The following CROCC variants were observed in gnomAD, a reference collection of about 807,000 sequenced individuals.
The protein encoded by CROCC is rootletin.
CROCC carries 180 observed loss-of-function variants against 245.2 expected under a neutral mutation model. That is an observed-to-expected ratio of 0.73 (90% CI 0.65 to 0.83). The LOEUF (loss-of-function observed/expected upper bound fraction) is 0.83. Ranked by LOEUF, CROCC falls within the 40% of genes least tolerant of loss-of-function variation. The pLI, the probability that CROCC is intolerant of heterozygous loss-of-function variation, is 0.00. For missense variants in CROCC, 2,688 were observed against 2,779.4 expected (o/e 0.97, Z 0.74); for synonymous variants, 1,205 against 1,241.6 (o/e 0.97, Z 0.62).
intron 15 of CROCC, among the ~76,000 whole-genome samples, 187 bp downstream of exon 15, chr1:16,945,793 C>A (rs2076032239): frequency 6.6e-6 from 1 of 152,302 alleles, no homozygotes; most frequent in African/African-American, 2.4e-5. Context: ...CTGGTCCCAG[C>A]CATAAGTGGA....
chr1:16,946,108 G>A (rs1340172804), intron 15 of CROCC, 151 bp from the exon 16 acceptor site: 1 of 912,886 alleles, frequency 1.1e-6, no homozygotes, highest in African/African-American at 1.6e-5. Context: ...GCTTTCTGCG[G>A]TGATTTTTTT....
intron 13 of CROCC, among the ~76,000 whole-genome samples, chr1:16,941,654 C>A (rs1445475996): frequency 1.3e-5 from 2 of 152,154 alleles, no homozygotes; most frequent in Non-Finnish European, 2.9e-5. Context: ...ATGGCCTGAA[C>A]CCGGGAGGCG....
chr1:16,918,744 G>GTTT (rs377647617), upstream of CROCC, among the ~76,000 whole-genome samples: 2 of 144,032 alleles, frequency 1.4e-5, no homozygotes, highest in African/African-American at 2.6e-5. Flanking sequence ...TTTTGTTTTT[G>GTTT]TTTTTTTTTT....
In CROCC at chr1:16,922,804, AC is replaced by A; in HGVS notation, c.196+11del. ...CTCCCAGCCTGAGAGCCCAGGTGCCACCCCCATCCGCTCCCCTCCACAAACA... is the reference window on the plus strand; with the variant it reads ...CTCCCAGCCTGAGAGCCCAGGTGCCACCCCATCCGCTCCCCTCCACAAACA... On this transcript the variant is annotated splice_region_variant and intron_variant, in intron 2 of 36. Coordinates refer to ENST00000375541, the MANE Select transcript of CROCC (RefSeq NM_014675.5). 6.2e-7 allele frequency: 1 copy of A among 1,609,496 alleles called. No homozygotes were observed. Among genetic ancestry groups the A allele is most frequent in the Non-Finnish European group, 8.5e-7 (1 of 1,178,506 alleles).
intron 26 of CROCC, among the ~76,000 whole-genome samples, 195 bp downstream of exon 26, chr1:16,958,945 G>A (rs569454857): frequency 6.5e-4 from 99 of 152,302 alleles, no homozygotes; most frequent in African/African-American, 1.5e-3. Flanking sequence ...GCACAAAATG[G>A]GTAGGGAGAG....
At position 16,966,289 on chromosome 1, in the gene CROCC, C is replaced by T. The variant is rs914837587; in HGVS notation, c.4697-119C>T. The T allele has an allele frequency of 2.2e-5, 31 of 1,426,528 alleles. No individual in the cohort carries two copies. The highest frequency in any genetic ancestry group is 4.9e-4 in the Middle Eastern group (2 of 4,106). The allele number at this position is 1,426,528 out of a possible 1,614,324, so 88.4% of individuals were successfully genotyped here. A position where few individuals can be genotyped will look rare whatever the true frequency, so the allele number is the denominator to read the frequency against. On this transcript the variant is annotated intron_variant, in intron 29 of 36. Transcript: ENST00000375541. This position sits in a 1 kb window ranked among gnomAD's most constrained non-coding sequence, Gnocchi z 4.8. ...CACCTGTGTGCAGGCCCGCATACTACGAAGGGTGCAGACAGTCTGGCCCTG... is the reference window on the plus strand; with the variant it reads ...CACCTGTGTGCAGGCCCGCATACTATGAAGGGTGCAGACAGTCTGGCCCTG...
intron 11 of CROCC, 41 bp downstream of exon 11, chr1:16,938,524 C>T: frequency 6.6e-7 from 1 of 1,508,250 alleles, no homozygotes. Context: ...CCCTGCCAGG[C>T]AGTCCCAGGC....
rs1216229254 is a variant in CROCC at position 16,972,724 on chromosome 1, G to A, written c.*278G>A. On this transcript the variant is annotated 3_prime_UTR_variant, in exon 37 of 37. Transcript: ENST00000375541. ...GCTGAGCCGTAGCCAGGATTGGGGA[G>A]AGCCCTTGTCTCTGGTCAGCCCTGG... 1 of 282,148 alleles carries A rather than the reference G, an allele frequency of 3.5e-6. No individual in the cohort carries two copies. Among genetic ancestry groups the A allele is most frequent in the African/African-American group, 2.3e-5 (1 of 44,164 alleles). The allele number at this position is 282,148 out of a possible 1,614,324, so 17.5% of individuals were successfully genotyped here. A position where few individuals can be genotyped will look rare whatever the true frequency, so the allele number is the denominator to read the frequency against.
Position 16,930,207 on chromosome 1 carries a change from G to T in CROCC, c.621G>T (p.Arg207Ser). 1 of 1,589,520 alleles carries T rather than the reference G, an allele frequency of 6.3e-7. No homozygotes were observed. ...RSGELEQQRL[R>S]DTEHSQDLES... Reference sequence around the variant, plus strand: ...GAGAGCTGGAGCAGCAGCGGCTGAGGGTGGGTGCCAGTGTGGGGCAGGGGC... The same window carrying T: ...GAGAGCTGGAGCAGCAGCGGCTGAGTGTGGGTGCCAGTGTGGGGCAGGGGC... The change falls in exon 5 of 37, where the codon AGG becomes AGT. Residue 207 changes from arginine to serine, a missense_variant and splice_region_variant. Around this residue, in one of 9 missense-constraint regions of CROCC, gnomAD observed 972 missense variants for 895.3 expected, o/e 1.09. Coordinates refer to ENST00000375541, the MANE Select transcript of CROCC (RefSeq NM_014675.5).
Position 16,954,710 on chromosome 1 carries a change from G to C in CROCC, c.3322-24G>C, listed in dbSNP as rs1310160331. 1 of 1,535,814 alleles carries C rather than the reference G, an allele frequency of 6.5e-7. No individual in the cohort carries two copies. Among genetic ancestry groups the C allele is most frequent in the Non-Finnish European group, 8.8e-7 (1 of 1,137,220 alleles). ...GGGCTGGGGGACACAGCAGGACCAA[G>C]TCTGAGGAGCCCCTCTGTCCCAGAG... On this transcript the variant is annotated intron_variant, in intron 22 of 36. Transcript: ENST00000375541. The surrounding 1 kb of genome is among the most constrained non-coding windows in gnomAD (Gnocchi z 4.4).
chr1:16,951,721 C>T (rs113849428), intron 20 of CROCC, among the ~76,000 whole-genome samples: 43 of 152,348 alleles, frequency 2.8e-4, no homozygotes, highest in African/African-American at 9.4e-4. Flanking sequence ...TCCAGAGTGG[C>T]CCTCGGGACA....
chr1:16,969,822 CACG>C lies in CROCC; in HGVS notation c.5340_5342del (p.Arg1781del). 2.5e-6 allele frequency: 4 copies of C among 1,613,318 alleles called. No individual in the cohort carries two copies. In the South Asian group the frequency reaches 4.4e-5, roughly 18 times the overall value. ...GCCGCCCGGCAGGCATTATCTGAGG[CACG>C]GAAGCAGAGCAGCTCCCTGGGCGAG... On this transcript the variant is annotated inframe_deletion, in exon 33 of 37. Coordinates refer to ENST00000375541, the MANE Select transcript of CROCC (RefSeq NM_014675.5).
In CROCC at chr1:16,924,389, G is replaced by T. The variant is rs2075482211; in HGVS notation, c.261G>T (p.Gln87His). 2.5e-6 allele frequency: 4 copies of T among 1,613,268 alleles called. No homozygotes were observed. In the South Asian group the frequency reaches 4.4e-5, roughly 18 times the overall value. Residue 87 changes from glutamine to histidine, a missense_variant, in exon 3 of 37, where the codon CAG becomes CAT. Transcript: ENST00000375541. ...TGCAGGAGGAGAACCAGCTGCTGCA[G>T]CAGGAGCTGTCCCGCGTGGAGGACC... ...LSLQEENQLL[Q>H]QELSRVEDLL...
chr1:16,936,487 T>C, intron 8 of CROCC, 150 bp from the exon 9 acceptor site: 4 of 745,478 alleles, frequency 5.4e-6, no homozygotes, highest in Non-Finnish European at 8.5e-6. Flanking sequence ...CAGGCTGGTC[T>C]CGAACTCCTG....
intron 25 of CROCC, among the ~76,000 whole-genome samples, chr1:16,956,765 G>C (rs968097217): frequency 1.3e-5 from 2 of 151,776 alleles, no homozygotes; most frequent in Non-Finnish European, 2.9e-5. Context: ...GACCCTTGTA[G>C]AAACGGGAGA....
At chr1:16,923,822 A>G (rs573537598) in intron 2 of CROCC, among the ~76,000 whole-genome samples, 6 of 152,162 alleles carry the variant, frequency 3.9e-5, no homozygotes, top group African/African-American at 1.2e-4. Context: ...CTGGGACTAC[A>G]GGCATACACC....
intron 15 of CROCC, 147 bp from the exon 16 acceptor site, chr1:16,946,112 T>A: frequency 2.3e-6 from 1 of 436,402 alleles, no homozygotes; most frequent in Non-Finnish European, 3.6e-6. Flanking sequence ...TCTGCGGTGA[T>A]TTTTTTTTTT....
Position 16,954,525 on chromosome 1 carries a change from C to T in CROCC, c.3321+168C>T, listed in dbSNP as rs1256062534. 1.3e-5 allele frequency among the ~76,000 whole-genome samples: 2 copies of T among 152,238 alleles called. No individual in the cohort carries two copies. Among genetic ancestry groups the T allele is most frequent in the African/African-American group, 2.4e-5 (1 of 41,470 alleles). On this transcript the variant is annotated intron_variant, in intron 22 of 36. Transcript: ENST00000375541. This position sits in a 1 kb window ranked among gnomAD's most constrained non-coding sequence, Gnocchi z 4.4. The stretch of plus-strand genomic sequence containing the variant: ...CCCCCATCTGAGGGAGGTGGCTCAG[C>T]CCTGCCCTGATGAATCCTTTTGGCG...
Position 16,960,764 on chromosome 1 carries a change from G to A in CROCC, c.4039G>A (p.Val1347Ile). Residue 1347 changes from valine to isoleucine, a missense_variant, in exon 27 of 37, where the codon GTA becomes ATA. Physicochemically the swap from Val to Ile is conservative, Grantham distance 29. Around this residue, in one of 9 missense-constraint regions of CROCC, gnomAD observed 1,218 missense variants for 1,286.3 expected, o/e 0.95. Coordinates refer to ENST00000375541, the MANE Select transcript of CROCC (RefSeq NM_014675.5). Reference protein sequence around the residue: ...SLEVMRQELQVAQRKLQEQEG... With the variant: ...SLEVMRQELQIAQRKLQEQEG... ...CCTCCTGGCATCACTCCAGCTCCAG[G>A]TAGCCCAGCGGAAGCTGCAGGAACA... is the stretch of plus-strand genomic sequence containing the variant. 6.5e-7 allele frequency: 1 copy of A among 1,529,790 alleles called. No individual in the cohort carries two copies. Among genetic ancestry groups the A allele is most frequent in the Middle Eastern group, 2.3e-4 (1 of 4,288 alleles). The allele number at this position is 1,529,790 out of a possible 1,614,324, so 94.8% of individuals were successfully genotyped here.
Sources: gnomAD v4.1 joint callset for allele counts (sites outside exome capture counted in the v4.1 genomes callset) on GRCh38, gnomAD v4.1.1 for gene constraint, gnomAD v4.1.1 regional missense constraint, Gnocchi (gnomAD v3.1) non-coding constraint, MANE v1.5 for transcripts, NCBI Gene and HGNC (gene_info 2026-07-23, HGNC 2026-07-21) for gene names.